LGSN: variants seen among roughly 807,000 people sequenced by gnomAD.
LGSN encodes the protein lengsin.
A neutral mutation model predicts 19.5 loss-of-function variants in LGSN; 21 were observed. The ratio of observed to expected loss-of-function variants is 1.07; its 90% CI spans 0.76 to 1.55. LGSN has a LOEUF of 1.55. Among genes scored for constraint, LGSN ranks in the 40% most tolerant of loss-of-function variants. The probability of loss-of-function intolerance (pLI) is 0.00; values close to 1 mark genes in which losing one functional copy is unlikely to be tolerated. For missense variants in LGSN, 673 were observed against 608.5 expected (o/e 1.11, Z -1.12); for synonymous variants, 257 against 215.6 (o/e 1.19, Z -1.68).
the LGSN span, among the ~76,000 whole-genome samples, chr6:63,514,486 C>T: frequency 9.9e-5 from 15 of 152,204 alleles, no homozygotes; most frequent in South Asian, 2.1e-4. Flanking sequence ...CTCGGCCTCC[C>T]GAAGTGCTGG....
At chr6:63,324,378 G>A (rs1156546963), upstream of LGSN, among the ~76,000 whole-genome samples, 2 of 152,092 alleles carry the variant, frequency 1.3e-5, no homozygotes, top group African/African-American at 2.4e-5. Context: ...TGTGGTTTAG[G>A]GCAAGATGAT....
chr6:63,503,448 C>T, the LGSN span, among the ~76,000 whole-genome samples: 4 of 152,212 alleles, frequency 2.6e-5, no homozygotes, highest in Non-Finnish European at 4.4e-5. Flanking sequence ...AATGGCTTCA[C>T]GTTGACAAAA....
the LGSN span, among the ~76,000 whole-genome samples, chr6:63,363,673 A>C: frequency 6.6e-6 from 1 of 152,208 alleles, no homozygotes; most frequent in Non-Finnish European, 1.5e-5. Flanking sequence ...AGAAACAAAC[A>C]AAGCCTCCAA....
chr6:63,518,662 C>A, the LGSN span, among the ~76,000 whole-genome samples: 1 of 152,214 alleles, frequency 6.6e-6, no homozygotes, highest in Non-Finnish European at 1.5e-5. Flanking sequence ...CTCTTTACAG[C>A]TAAGGTTCTT....
At chr6:63,327,055 C>G in the LGSN span, among the ~76,000 whole-genome samples, 449 of 152,182 alleles carry the variant, frequency 3.0e-3, 3 homozygotes, top group African/African-American at 0.01. Flanking sequence ...CTGCTGTTGG[C>G]AATTTGGCTG....
At chr6:63,499,487 A>C in the LGSN span, among the ~76,000 whole-genome samples, 11 of 152,192 alleles carry the variant, frequency 7.2e-5, no homozygotes, top group South Asian at 2.3e-3. Flanking sequence ...TGGGGCTTTA[A>C]GAGTTTTTCA....
the LGSN span, among the ~76,000 whole-genome samples, chr6:63,456,101 G>A: frequency 6.7e-6 from 1 of 149,662 alleles, no homozygotes; most frequent in Non-Finnish European, 1.5e-5. Flanking sequence ...CTGATGGTGG[G>A]CACCTGTAAT....
At chr6:63,535,327 A>C in the LGSN span, among the ~76,000 whole-genome samples, 1 of 152,062 alleles carries the variant, frequency 6.6e-6, no homozygotes, top group Non-Finnish European at 1.5e-5. Flanking sequence ...TAAGCCAGGC[A>C]TAGTGGCATG....
the LGSN span, among the ~76,000 whole-genome samples, chr6:63,360,424 T>C: frequency 6.6e-6 from 1 of 152,236 alleles, no homozygotes; most frequent in East Asian, 1.9e-4. Context: ...TCTTCCATCC[T>C]GATACCCTTT....
chr6:63,328,869 G>A, the LGSN span, among the ~76,000 whole-genome samples: 1 of 152,142 alleles, frequency 6.6e-6, no homozygotes, highest in African/African-American at 2.4e-5. Context: ...CTGCATCCAG[G>A]GATCCATAGT....
chr6:63,555,413 A>C, the LGSN span, among the ~76,000 whole-genome samples: 1 of 152,238 alleles, frequency 6.6e-6, no homozygotes, highest in African/African-American at 2.4e-5. Flanking sequence ...GAAATTGCTG[A>C]TGGCCAAAAA....
the LGSN span, among the ~76,000 whole-genome samples, chr6:63,494,243 C>A: frequency 6.6e-6 from 1 of 152,106 alleles, no homozygotes; most frequent in Non-Finnish European, 1.5e-5. Flanking sequence ...AACCACCACG[C>A]CCAGCCAGAA....
the LGSN span, among the ~76,000 whole-genome samples, chr6:63,544,656 G>T: frequency 5.3e-5 from 8 of 152,104 alleles, no homozygotes; most frequent in Non-Finnish European, 8.8e-5. Flanking sequence ...TGACCTTGAC[G>T]TTTCTGATTA....
At chr6:63,556,278 C>T in the LGSN span, among the ~76,000 whole-genome samples, 1 of 152,120 alleles carries the variant, frequency 6.6e-6, no homozygotes, top group Non-Finnish European at 1.5e-5. Flanking sequence ...CCTGCCTCAG[C>T]CTCCAGAGTA....
At chr6:63,366,402 AAGG>A in the LGSN span, among the ~76,000 whole-genome samples, 1 of 152,198 alleles carries the variant, frequency 6.6e-6, no homozygotes, top group Non-Finnish European at 1.5e-5. Flanking sequence ...GGACCTCTTC[AAGG>A]AGAACTACAA....
At chr6:63,570,608 A>AT in the LGSN span, among the ~76,000 whole-genome samples, 1 of 152,182 alleles carries the variant, frequency 6.6e-6, no homozygotes, top group African/African-American at 2.4e-5. Context: ...GCTAACACAT[A>AT]TTTGGCTCTG....
At chr6:63,381,189 G>A in the LGSN span, among the ~76,000 whole-genome samples, 4 of 152,134 alleles carry the variant, frequency 2.6e-5, no homozygotes, top group Admixed American at 6.5e-5. Context: ...GTGACAGAGT[G>A]AGACCCTGTC....
At chr6:63,350,803 G>T in the LGSN span, among the ~76,000 whole-genome samples, 1 of 151,344 alleles carries the variant, frequency 6.6e-6, no homozygotes, top group Non-Finnish European at 1.5e-5. Context: ...GGTGAGCTGA[G>T]ATGGTGCCAC....
chr6:63,352,260 A>G, the LGSN span, among the ~76,000 whole-genome samples: 1 of 152,230 alleles, frequency 6.6e-6, no homozygotes, highest in South Asian at 2.1e-4. Context: ...CAAAACTCAC[A>G]TGTTAGTAGA....
Sources: allele counts gnomAD v4.1 joint callset (sites outside exome capture counted in the v4.1 genomes callset), GRCh38; gene constraint gnomAD v4.1.1; transcripts MANE v1.5; gene names NCBI Gene and HGNC (gene_info 2026-07-23, HGNC 2026-07-21).